Variants in SMYD3 observed in about 807,000 individuals in gnomAD.
SMYD3 encodes histone-lysine N-methyltransferase SMYD3.
A neutral mutation model predicts 57.7 loss-of-function variants in SMYD3; 36 were observed. That is an observed-to-expected ratio of 0.62 (90% CI 0.48 to 0.82). The LOEUF is 0.82. Ranked by LOEUF, SMYD3 falls within the 40% of genes least tolerant of loss-of-function variation. The probability of loss-of-function intolerance (pLI) is 0.00; values close to 1 mark genes in which losing one functional copy is unlikely to be tolerated. For missense variants in SMYD3, 515 were observed against 538.8 expected (o/e 0.96, Z 0.44); for synonymous variants, 211 against 195.0 (o/e 1.08, Z -0.68).
Position 245,915,582 on chromosome 1 carries a change from C to A in SMYD3, c.761G>T (p.Arg254Met). ...GTCACATTCAAAGCAGTACTGGTCCCTCAGCTGCTTCCGGCGCTCCTCACT... is the reference window on the plus strand; with the variant it reads ...GTCACATTCAAAGCAGTACTGGTCCATCAGCTGCTTCCGGCGCTCCTCACT... Reference protein sequence around the residue: ...MTSEERRKQLRDQYCFECDCF... With the variant: ...MTSEERRKQLMDQYCFECDCF... The change falls in exon 8 of 12, where the codon AGG becomes ATG. Residue 254 changes from arginine to methionine, a missense_variant. Transcript: ENST00000490107. 4.3e-6 allele frequency: 7 copies of A among 1,614,070 alleles called. No homozygotes were observed. Among genetic ancestry groups the A allele is most frequent in the African/African-American group, 4.0e-5 (3 of 75,028 alleles).
At chr1:245,785,289 C>T (rs866824229) in intron 10 of SMYD3, among the ~76,000 whole-genome samples, 17 of 151,968 alleles carry the variant, frequency 1.1e-4, no homozygotes, top group African/African-American at 3.6e-4. Flanking sequence ...ACAATGGTTA[C>T]AGTAAAAAAA....
At chr1:246,211,355 C>G (rs1336954881) in intron 5 of SMYD3, among the ~76,000 whole-genome samples, 2 of 152,064 alleles carry the variant, frequency 1.3e-5, no homozygotes, top group African/African-American at 4.8e-5. Context: ...CAAGGTACTG[C>G]CATAAAACAC....
chr1:246,083,710 A>G (rs569283631), intron 5 of SMYD3, among the ~76,000 whole-genome samples: 1 of 152,184 alleles, frequency 6.6e-6, no homozygotes, highest in Non-Finnish European at 1.5e-5. Context: ...AAAAGTTCCT[A>G]AACAATAACA....
chr1:245,929,510 A>G (rs2056592994), intron 6 of SMYD3, among the ~76,000 whole-genome samples: 1 of 152,168 alleles, frequency 6.6e-6, no homozygotes, highest in Non-Finnish European at 1.5e-5. Context: ...ACTGATACGT[A>G]CGGCAAGTCC....
intron 2 of SMYD3, among the ~76,000 whole-genome samples, chr1:246,336,406 C>A (rs1464456016): frequency 6.6e-6 from 1 of 152,180 alleles, no homozygotes; most frequent in Non-Finnish European, 1.5e-5. Context: ...ACCACTTACT[C>A]ATTCTTATTT....
chr1:246,339,856 G>T (rs779761215), intron 2 of SMYD3, among the ~76,000 whole-genome samples: 7 of 152,210 alleles, frequency 4.6e-5, no homozygotes, highest in Non-Finnish European at 1.0e-4. Context: ...CCCGTCATGT[G>T]ACGCCTTCTG....
chr1:245,826,357 G>C (rs6605240), intron 10 of SMYD3, among the ~76,000 whole-genome samples: 108,573 of 151,926 alleles, frequency 0.71, 40,321 homozygotes, highest in Non-Finnish European at 0.84. Flanking sequence ...TGTAGCATGT[G>C]ACAGGATTTC....
chr1:246,026,890 A>T (rs934920289), intron 5 of SMYD3, among the ~76,000 whole-genome samples: 1 of 152,252 alleles, frequency 6.6e-6, no homozygotes, highest in Non-Finnish European at 1.5e-5. Context: ...TCGAGAACTA[A>T]GATAAACTGA....
At chr1:245,891,645 G>A (rs893033468) in intron 8 of SMYD3, among the ~76,000 whole-genome samples, 1 of 152,218 alleles carries the variant, frequency 6.6e-6, no homozygotes, top group African/African-American at 2.4e-5. Context: ...AGTGATGAAG[G>A]ACAGTGATAT....
intron 10 of SMYD3, among the ~76,000 whole-genome samples, chr1:245,827,083 C>T (rs574455246): frequency 1.2e-4 from 18 of 152,286 alleles, no homozygotes; most frequent in East Asian, 5.8e-4. Flanking sequence ...ACTCACACTG[C>T]GCTAACGGAG....
intron 7 of SMYD3, among the ~76,000 whole-genome samples, chr1:245,916,940 C>T (rs1262524957): frequency 6.6e-6 from 1 of 151,312 alleles, no homozygotes; most frequent in African/African-American, 2.4e-5. Flanking sequence ...TCCATGACGA[C>T]ATGAGTCAAG....
intron 10 of SMYD3, among the ~76,000 whole-genome samples, chr1:245,793,736 A>T (rs1023372794): frequency 6.6e-6 from 1 of 152,018 alleles, no homozygotes; most frequent in Non-Finnish European, 1.5e-5. Context: ...GCAGGGACCA[A>T]CCATATTAGC....
intron 1 of SMYD3, among the ~76,000 whole-genome samples, chr1:246,482,418 A>C (rs1181145507): frequency 6.6e-6 from 1 of 152,112 alleles, no homozygotes. Flanking sequence ...TCACATACAT[A>C]AGCATCATGT....
At chr1:246,259,241 G>A (rs992699465) in intron 5 of SMYD3, among the ~76,000 whole-genome samples, 1 of 152,156 alleles carries the variant, frequency 6.6e-6, no homozygotes, top group African/African-American at 2.4e-5. Context: ...ACCATTTCTG[G>A]AAAGCTTGTG....
At chr1:246,404,796 C>T (rs2066833019) in intron 1 of SMYD3, among the ~76,000 whole-genome samples, 1 of 152,126 alleles carries the variant, frequency 6.6e-6, no homozygotes, top group South Asian at 2.1e-4. Flanking sequence ...GATCAATAAC[C>T]ACATGTGACT....
intron 10 of SMYD3, among the ~76,000 whole-genome samples, chr1:245,793,832 T>C (rs2047407366): frequency 6.6e-6 from 1 of 152,226 alleles, no homozygotes; most frequent in Admixed American, 6.5e-5. Context: ...AAGAGTTTTA[T>C]CTCCACAAAT....
At chr1:246,133,526 T>A (rs1386816838) in intron 5 of SMYD3, among the ~76,000 whole-genome samples, 4 of 152,122 alleles carry the variant, frequency 2.6e-5, no homozygotes, top group Admixed American at 2.6e-4. Flanking sequence ...ATAGTTTTCC[T>A]TAGTTAAGAA....
At chr1:246,021,996 G>C (rs1324497987) in intron 5 of SMYD3, among the ~76,000 whole-genome samples, 1 of 152,168 alleles carries the variant, frequency 6.6e-6, no homozygotes, top group East Asian at 1.9e-4. Context: ...AGGTTAAGAG[G>C]GACACTGATC....
At chr1:245,935,999 T>C (rs1008789812) in intron 5 of SMYD3, among the ~76,000 whole-genome samples, 2 of 152,130 alleles carry the variant, frequency 1.3e-5, no homozygotes, top group African/African-American at 4.8e-5. Context: ...AAATTGTATA[T>C]ATATTTCAAA....
Sources: gnomAD v4.1 joint callset for allele counts (sites outside exome capture counted in the v4.1 genomes callset) on GRCh38, gnomAD v4.1.1 for gene constraint, MANE v1.5 for transcripts, NCBI Gene and HGNC (gene_info 2026-07-23, HGNC 2026-07-21) for gene names.